RNF13: variants seen among roughly 807,000 people sequenced by gnomAD.
The protein encoded by RNF13 is E3 ubiquitin-protein ligase RNF13.
In RNF13, 19 loss-of-function variants were observed where a neutral mutation model predicts 37.7. The ratio of observed to expected loss-of-function variants is 0.50; its 90% CI spans 0.35 to 0.74. RNF13 has a LOEUF of 0.74. Ranked by LOEUF, RNF13 falls within the 30% of genes least tolerant of loss-of-function variation. RNF13 has a pLI of 0.01. For missense variants in RNF13, 375 were observed against 453.0 expected (o/e 0.83, Z 1.56); for synonymous variants, 144 against 157.8 (o/e 0.91, Z 0.65).
At chr3:149,841,733 C>T (rs1175293573) in intron 1 of RNF13, among the ~76,000 whole-genome samples, 1 of 152,088 alleles carries the variant, frequency 6.6e-6, no homozygotes, top group Non-Finnish European at 1.5e-5. Flanking sequence ...GATTCTCGTG[C>T]CTCAGCCTCC....
intron 8 of RNF13, among the ~76,000 whole-genome samples, chr3:149,937,858 G>T (rs1023528344): frequency 3.9e-5 from 6 of 152,092 alleles, no homozygotes; most frequent in African/African-American, 1.4e-4. Context: ...GTCTCTCCGT[G>T]GATGAATGTT....
At chr3:149,957,564 TG>T in intron 8 of RNF13, among the ~76,000 whole-genome samples, 1 of 152,330 alleles carries the variant, frequency 6.6e-6, no homozygotes, top group East Asian at 1.9e-4. Flanking sequence ...TTTGTAAGCA[TG>T]CAGCTGATCA....
chr3:149,940,331 C>G (rs1720125024), intron 8 of RNF13, among the ~76,000 whole-genome samples: 1 of 152,098 alleles, frequency 6.6e-6, no homozygotes, highest in Non-Finnish European at 1.5e-5. Context: ...TTCTACCCTC[C>G]ATCCCTTATA....
intron 8 of RNF13, among the ~76,000 whole-genome samples, chr3:149,947,741 T>C (rs1251234191): frequency 1.3e-5 from 2 of 152,290 alleles, no homozygotes; most frequent in South Asian, 2.1e-4. Flanking sequence ...CGTATTTGAC[T>C]GCTTTGATGT....
At chr3:149,850,281 A>G (rs1288716902) in intron 2 of RNF13, among the ~76,000 whole-genome samples, 1 of 152,170 alleles carries the variant, frequency 6.6e-6, no homozygotes, top group African/African-American at 2.4e-5. Context: ...CATCCGGCCT[A>G]CTACTTCAGA....
intron 8 of RNF13, among the ~76,000 whole-genome samples, chr3:149,930,651 G>C (rs1358856643): frequency 6.6e-6 from 1 of 152,156 alleles, no homozygotes; most frequent in African/African-American, 2.4e-5. Context: ...TTTCTTTCCT[G>C]AGTGTTTGGT....
Position 149,872,146 on chromosome 3 carries a change from G to T in RNF13, c.313G>T (p.Asp105Tyr). 2 of 1,563,770 alleles carry T rather than the reference G, an allele frequency of 1.3e-6. No homozygotes were observed. The highest frequency in any genetic ancestry group is 1.2e-5 in the South Asian group (1 of 84,160). ...AATTAGAAGACTTGATTGTAATTTT[G>T]ATATAAAGGTATGATTATCTTTTTT... ...VLIRRLDCNFDIKVLNAQRAG... is the reference protein window; with the variant it reads ...VLIRRLDCNFYIKVLNAQRAG... The change falls in exon 4 of 10, where the codon GAT becomes TAT. Residue 105 changes from aspartate (D) to tyrosine (Y), a missense_variant. Physicochemically the swap from Asp to Tyr is radical, Grantham distance 160. Coordinates refer to ENST00000392894, the MANE Select transcript of RNF13 (RefSeq NM_183381.3).
chr3:149,880,503 G>A (rs1432744267), intron 4 of RNF13, among the ~76,000 whole-genome samples: 1 of 152,032 alleles, frequency 6.6e-6, no homozygotes, highest in Non-Finnish European at 1.5e-5. Context: ...TCATTACAAA[G>A]TAAAGATTTT....
intron 3 of RNF13, among the ~76,000 whole-genome samples, chr3:149,854,675 T>C (rs973202494): frequency 6.6e-6 from 1 of 152,144 alleles, no homozygotes; most frequent in Admixed American, 6.5e-5. Context: ...CAATGGACCC[T>C]CACACCACAT....
chr3:149,882,356 G>T (rs1713526594), intron 4 of RNF13, among the ~76,000 whole-genome samples: 1 of 152,128 alleles, frequency 6.6e-6, no homozygotes, highest in Non-Finnish European at 1.5e-5. Context: ...CTTATATATT[G>T]CTGGATAGGG....
intron 8 of RNF13, among the ~76,000 whole-genome samples, chr3:149,946,053 C>T (rs2108590908): frequency 6.6e-6 from 1 of 152,300 alleles, no homozygotes; most frequent in East Asian, 1.9e-4. Flanking sequence ...AGCAACGGAA[C>T]AAAGCTGGAT....
chr3:149,925,617 T>C (rs1214525435), intron 8 of RNF13, among the ~76,000 whole-genome samples: 1 of 152,214 alleles, frequency 6.6e-6, no homozygotes, highest in Non-Finnish European at 1.5e-5. Context: ...TTACTGTTAA[T>C]TGACATTCTT....
intron 3 of RNF13, among the ~76,000 whole-genome samples, chr3:149,860,624 A>G (rs1724159373): frequency 6.6e-6 from 1 of 152,114 alleles, no homozygotes; most frequent in South Asian, 2.1e-4. Flanking sequence ...TCAACTCAAG[A>G]TGGATTAAAG....
At position 149,961,619 on chromosome 3, in the gene RNF13, T is replaced by TC; in HGVS notation, c.*518dup. 7.2e-6 allele frequency: 2 copies of TC among 278,040 alleles called. No individual in the cohort carries two copies. Among genetic ancestry groups the TC allele is most frequent in the Non-Finnish European group, 1.4e-5 (2 of 141,914 alleles). The allele number at this position is 278,040 out of a possible 1,614,324, so 17.2% of individuals were successfully genotyped here. ...CACAAAGAAACTCAAAGCTGTTTTT[T>TC]CCCTTTCTGTTCCAAAGCAGTCTTA... is the stretch of plus-strand genomic sequence containing the variant. On this transcript the variant is annotated 3_prime_UTR_variant, in exon 10 of 10. Coordinates refer to ENST00000392894, the MANE Select transcript of RNF13 (RefSeq NM_183381.3).
intron 8 of RNF13, among the ~76,000 whole-genome samples, chr3:149,943,826 A>G (rs1258288413): frequency 6.7e-6 from 1 of 150,236 alleles, no homozygotes; most frequent in South Asian, 2.1e-4. Flanking sequence ...TTTTTTATAT[A>G]TATACTTTAA....
At chr3:149,895,291 G>A (rs1337030788) in intron 4 of RNF13, 182 bp from the exon 5 acceptor site, 8 of 461,634 alleles carry the variant, frequency 1.7e-5, no homozygotes, top group Non-Finnish European at 2.7e-5. Context: ...TAACTCCTAA[G>A]CCTGATTACA....
Position 149,958,481 on chromosome 3 carries a change from A to T in RNF13, c.701-1575A>T, listed in dbSNP as rs890300614. Among the ~76,000 whole-genome samples, 3 of 152,276 alleles carry T rather than the reference A, an allele frequency of 2.0e-5. No individual in the cohort carries two copies. In the East Asian group the frequency reaches 5.8e-4, roughly 29 times the overall value. ...CACTTTTCAAAACCCTTGTGATCACATTGAGCTCACATGGATAATACAGGC... is the reference window on the plus strand; with the variant it reads ...CACTTTTCAAAACCCTTGTGATCACTTTGAGCTCACATGGATAATACAGGC... On this transcript the variant is annotated intron_variant, in intron 8 of 9. Coordinates refer to ENST00000392894, the MANE Select transcript of RNF13 (RefSeq NM_183381.3).
chr3:149,953,968 T>C (rs1437941490), intron 8 of RNF13, among the ~76,000 whole-genome samples: 1 of 152,210 alleles, frequency 6.6e-6, no homozygotes, highest in Admixed American at 6.5e-5. Flanking sequence ...AAAATTCAGT[T>C]ATTAAACATA....
intron 7 of RNF13, among the ~76,000 whole-genome samples, chr3:149,915,045 G>A (rs1717367785): frequency 1.3e-5 from 2 of 152,008 alleles, no homozygotes; most frequent in African/African-American, 2.4e-5. Flanking sequence ...AGTATAAGTC[G>A]TGGACATAAA....
Sources: allele counts gnomAD v4.1 joint callset (sites outside exome capture counted in the v4.1 genomes callset), GRCh38; gene constraint gnomAD v4.1.1; transcripts MANE v1.5; gene names NCBI Gene and HGNC (gene_info 2026-07-23, HGNC 2026-07-21).